SLC25A12: variants seen among roughly 807,000 people sequenced by gnomAD.
The protein encoded by SLC25A12 is electrogenic aspartate/glutamate antiporter SLC25A12, mitochondrial.
SLC25A12 carries 32 observed loss-of-function variants against 83.3 expected under a neutral mutation model. The observed-to-expected ratio is 0.38, with a 90% CI of 0.29 to 0.52. SLC25A12 has a LOEUF of 0.52. SLC25A12 is among the 20% of genes least tolerant of loss of function. The probability of loss-of-function intolerance (pLI) is 0.84; values close to 1 mark genes in which losing one functional copy is unlikely to be tolerated. For missense variants in SLC25A12, 611 were observed against 835.6 expected (o/e 0.73, Z 3.31); for synonymous variants, 267 against 291.1 (o/e 0.92, Z 0.84).
At chr2:171,837,732 T>C (rs1684588098) in intron 5 of SLC25A12, among the ~76,000 whole-genome samples, 1 of 152,212 alleles carries the variant, frequency 6.6e-6, no homozygotes, top group Non-Finnish European at 1.5e-5. Context: ...CTCTCTGTCA[T>C]TCTATAAATG....
chr2:171,790,226 AGAG>A (rs1470610674), intron 15 of SLC25A12, among the ~76,000 whole-genome samples: 1 of 152,224 alleles, frequency 6.6e-6, no homozygotes, highest in African/African-American at 2.4e-5. Flanking sequence ...CAGAGCCTCC[AGAG>A]GAGAATGAGC....
At chr2:171,857,513 C>T (rs917548233) in intron 3 of SLC25A12, among the ~76,000 whole-genome samples, 27 of 151,884 alleles carry the variant, frequency 1.8e-4, no homozygotes, top group Admixed American at 9.2e-4. Context: ...GGTGAAACCC[C>T]ATCTCTACAA....
chr2:171,814,368 A>G (rs1162564165), intron 10 of SLC25A12, among the ~76,000 whole-genome samples: 1 of 152,068 alleles, frequency 6.6e-6, no homozygotes, highest in African/African-American at 2.4e-5. Context: ...AAGTCCAGAT[A>G]TTGTTAAGCA....
chr2:171,813,243 G>T, intron 11 of SLC25A12, 96 bp downstream of exon 11: 2 of 1,246,204 alleles, frequency 1.6e-6, no homozygotes, highest in Non-Finnish European at 2.4e-6. Context: ...AGTCTGGCTA[G>T]GCATACTACA....
intron 5 of SLC25A12, among the ~76,000 whole-genome samples, chr2:171,841,483 C>T (rs1684671971): frequency 6.6e-6 from 1 of 152,110 alleles, no homozygotes; most frequent in Non-Finnish European, 1.5e-5. Flanking sequence ...AAGTGATTCT[C>T]CCACCTCACC....
intron 3 of SLC25A12, among the ~76,000 whole-genome samples, chr2:171,862,229 T>C (rs971170297): frequency 2.6e-5 from 4 of 152,204 alleles, no homozygotes; most frequent in East Asian, 3.8e-4. Flanking sequence ...GGACTAAATA[T>C]AGAAACTATG....
At chr2:171,785,506 A>G in intron 17 of SLC25A12, 31 bp from the exon 18 acceptor site, 1 of 1,605,100 alleles carries the variant, frequency 6.2e-7, no homozygotes, top group Non-Finnish European at 8.5e-7. Flanking sequence ...AATGGTTAGC[A>G]TGCTCAAGGT....
intron 8 of SLC25A12, among the ~76,000 whole-genome samples, chr2:171,833,577 C>T (rs1014752029): frequency 2.0e-5 from 3 of 152,148 alleles, no homozygotes; most frequent in Non-Finnish European, 4.4e-5. Context: ...AGCCTCTTTC[C>T]CACTTTATGA....
At chr2:171,797,568 A>T (rs1683625244) in intron 13 of SLC25A12, among the ~76,000 whole-genome samples, 1 of 152,156 alleles carries the variant, frequency 6.6e-6, no homozygotes, top group Non-Finnish European at 1.5e-5. Flanking sequence ...CAAGAAACAG[A>T]CCTGGTCTTA....
chr2:171,855,665 T>G lies in SLC25A12; in HGVS notation c.325+169A>C, dbSNP rs953038007. ...CACTTCTTCATCTTTGGCAACAGTT[T>G]AATGCTTTGAAAAAATAAAGCCATC... On this transcript the variant is annotated intron_variant, in intron 4 of 17. Transcript: ENST00000422440. 15 of 633,658 alleles carry G rather than the reference T, an allele frequency of 2.4e-5. No individual in the cohort carries two copies. In the African/African-American group the frequency reaches 2.7e-4, roughly 12 times the overall value. 39.3% of individuals were successfully genotyped at this position (633,658 alleles called of 1,614,324 possible). A position where few individuals can be genotyped will look rare whatever the true frequency, so the allele number is the denominator to read the frequency against.
At chr2:171,798,878 A>G (rs1436069698) in intron 13 of SLC25A12, among the ~76,000 whole-genome samples, 1 of 152,218 alleles carries the variant, frequency 6.6e-6, no homozygotes, top group Non-Finnish European at 1.5e-5. Flanking sequence ...CACAATGCAT[A>G]TGTTGGAACT....
At chr2:171,886,442 AG>A (rs1685820364) in intron 2 of SLC25A12, among the ~76,000 whole-genome samples, 1 of 141,570 alleles carries the variant, frequency 7.1e-6, no homozygotes, top group Non-Finnish European at 1.5e-5. Flanking sequence ...CACGTTGCCT[AG>A]GCTGTTTTTT....
intron 14 of SLC25A12, among the ~76,000 whole-genome samples, chr2:171,792,516 C>A (rs953784316): frequency 1.4e-5 from 2 of 147,940 alleles, no homozygotes; most frequent in Non-Finnish European, 3.0e-5. Context: ...CCTGGCTGGT[C>A]TTGAACTCCT....
intron 5 of SLC25A12, among the ~76,000 whole-genome samples, chr2:171,843,217 A>G (rs1684717114): frequency 6.6e-6 from 1 of 152,248 alleles, no homozygotes; most frequent in Admixed American, 6.5e-5. Context: ...AGATGAAATT[A>G]ATAGAATACC....
intron 9 of SLC25A12, among the ~76,000 whole-genome samples, chr2:171,817,600 CAAAAAAAAA>C (rs71013076): frequency 2.0e-4 from 13 of 64,252 alleles, no homozygotes; most frequent in African/African-American, 8.1e-4. Context: ...GACTCTGCCT[CAAAAAAAAA>C]AAAAAAAAAA....
chr2:171,892,291 TCTCGA>T (rs1685956903), intron 2 of SLC25A12, among the ~76,000 whole-genome samples: 1 of 151,624 alleles, frequency 6.6e-6, no homozygotes, highest in African/African-American at 2.4e-5. Context: ...AGTGGCACGA[TCTCGA>T]CTCACTGCAA....
chr2:171,822,532 T>C (rs1234664266), intron 9 of SLC25A12, among the ~76,000 whole-genome samples: 1 of 152,100 alleles, frequency 6.6e-6, no homozygotes, highest in Non-Finnish European at 1.5e-5. Context: ...TACAGGTGCA[T>C]ACTACCATGC....
chr2:171,788,185 C>A, intron 15 of SLC25A12: 1 of 480,002 alleles, frequency 2.1e-6, no homozygotes, highest in Non-Finnish European at 3.7e-6. Flanking sequence ...CTCTACATTG[C>A]ATGATCCCAA....
intron 2 of SLC25A12, among the ~76,000 whole-genome samples, chr2:171,879,257 T>A (rs1685638659): frequency 6.6e-6 from 1 of 152,236 alleles, no homozygotes; most frequent in African/African-American, 2.4e-5. Context: ...TTCAGTTGCA[T>A]ATTTTGGATA....
Sources: gnomAD v4.1 joint callset for allele counts (sites outside exome capture counted in the v4.1 genomes callset) on GRCh38, gnomAD v4.1.1 for gene constraint, MANE v1.5 for transcripts, NCBI Gene and HGNC (gene_info 2026-07-23, HGNC 2026-07-21) for gene names.